Variants in AVEN observed in about 807,000 individuals in gnomAD.
The protein encoded by AVEN is apoptosis and caspase activation inhibitor, also known as cell death regulator Aven.
AVEN carries 41 observed loss-of-function variants against 38.1 expected under a neutral mutation model. The observed-to-expected ratio is 1.08, with a 90% CI of 0.84 to 1.40. The LOEUF is 1.40. Ranked by LOEUF, AVEN falls within the 40% of genes most tolerant of loss-of-function variation. The probability of loss-of-function intolerance (pLI) is 0.00; values close to 1 mark genes in which losing one functional copy is unlikely to be tolerated. For synonymous variants in AVEN, 206 were observed against 171.8 expected, an observed-to-expected ratio of 1.20 and a Z score of -1.56; for missense variants, 605 against 438.8, an observed-to-expected ratio of 1.38 and a Z score of -3.38.
chr15:34,033,998 G>A (rs1438808639), intron 1 of AVEN, among the ~76,000 whole-genome samples: 1 of 152,138 alleles, frequency 6.6e-6, no homozygotes, highest in Non-Finnish European at 1.5e-5. Context: ...TTTTGGCCAG[G>A]ATGGTCTCAA....
intron 2 of AVEN, among the ~76,000 whole-genome samples, chr15:33,910,005 G>C (rs942719339): frequency 6.6e-6 from 1 of 151,954 alleles, no homozygotes; most frequent in African/African-American, 2.4e-5. Context: ...GTGGACACCT[G>C]TAATCTTAGC....
intron 2 of AVEN, chr15:33,972,278 A>G (rs1440802305): frequency 6.6e-6 from 1 of 152,012 alleles, no homozygotes; most frequent in Non-Finnish European, 1.5e-5. Context: ...ATAGATGCAA[A>G]ATTTCACCTT....
At chr15:33,930,341 CAA>C (rs10610430) in intron 2 of AVEN, among the ~76,000 whole-genome samples, 3,165 of 141,338 alleles carry the variant, frequency 0.022, 79 homozygotes, top group African/African-American at 0.062. Flanking sequence ...CCATCTAGGA[CAA>C]AAAAAAAAAA....
At chr15:33,882,184 G>A (rs1166965314) in intron 2 of AVEN, among the ~76,000 whole-genome samples, 1 of 152,074 alleles carries the variant, frequency 6.6e-6, no homozygotes, top group Non-Finnish European at 1.5e-5. Context: ...TACATAGCCT[G>A]CTTAAAAAAC....
chr15:33,864,128 C>T (rs755379679), downstream of AVEN: 2 of 1,607,110 alleles, frequency 1.2e-6, no homozygotes, highest in African/African-American at 2.7e-5. Flanking sequence ...CTATCTTTTC[C>T]TCGTTCCAGG....
At chr15:33,869,691 A>C (rs1356289211) in intron 4 of AVEN, among the ~76,000 whole-genome samples, 1 of 152,194 alleles carries the variant, frequency 6.6e-6, no homozygotes, top group African/African-American at 2.4e-5. Flanking sequence ...TAGACTAGTA[A>C]ATGCTATACA....
chr15:33,974,260 C>T (rs1260029547), intron 2 of AVEN, among the ~76,000 whole-genome samples: 2 of 152,158 alleles, frequency 1.3e-5, no homozygotes, highest in Non-Finnish European at 2.9e-5. Context: ...CTACAGTCAT[C>T]TTTCTATTCA....
At chr15:33,865,239 G>C (rs1414767300), downstream of AVEN, 4 of 1,595,210 alleles carry the variant, frequency 2.5e-6, no homozygotes, top group Middle Eastern at 1.7e-4. Context: ...CTGAATCAAA[G>C]AAGCGCGACA....
At position 33,866,276 on chromosome 15, in the gene AVEN, A is replaced by C. The variant is rs1890470085; in HGVS notation, c.*337T>G. 1.2e-5 allele frequency: 3 copies of C among 252,990 alleles called. No individual in the cohort carries two copies. In the Admixed American group the frequency reaches 1.5e-4, roughly 12 times the overall value. The allele number at this position is 252,990 out of a possible 1,614,324, so 15.7% of individuals were successfully genotyped here. A position where few individuals can be genotyped will look rare whatever the true frequency, so the allele number is the denominator to read the frequency against. On this transcript the variant is annotated 3_prime_UTR_variant, in exon 6 of 6. Coordinates refer to ENST00000306730, the MANE Select transcript of AVEN (RefSeq NM_020371.3). The stretch of plus-strand genomic sequence containing the variant: ...TTGGCCAAATGCATGCCTTGTTTGC[A>C]TCTATTCTCTTAATCAGCAGCAGCA...
intron 2 of AVEN, among the ~76,000 whole-genome samples, chr15:33,986,401 G>A (rs7168444): frequency 0.15 from 23,032 of 151,880 alleles, 2,195 homozygotes; most frequent in African/African-American, 0.25. Flanking sequence ...AAGCCACCGC[G>A]CCCGGCCCAC....
downstream of AVEN, chr15:33,858,084 T>A: frequency 1.1e-6 from 1 of 890,120 alleles, no homozygotes; most frequent in East Asian, 2.7e-5. Context: ...AACAGGAGAG[T>A]GTCCTGGGAA....
the AVEN span, chr15:33,852,646 C>G: frequency 5.8e-6 from 1 of 172,962 alleles, no homozygotes; most frequent in African/African-American, 2.4e-5. Flanking sequence ...TTATCTACCC[C>G]AGTAGGTGAC....
intron 5 of AVEN, among the ~76,000 whole-genome samples, chr15:34,057,192 C>T (rs946382754): frequency 1.3e-5 from 2 of 148,910 alleles, no homozygotes; most frequent in East Asian, 2.0e-4. Context: ...GGAGTGCAGT[C>T]GCATGATCTT....
chr15:34,032,614 G>A (rs1206970411), intron 1 of AVEN, among the ~76,000 whole-genome samples: 2 of 152,010 alleles, frequency 1.3e-5, no homozygotes, highest in East Asian at 3.8e-4. Context: ...AACGGAGTGT[G>A]CACATACCTA....
intron 2 of AVEN, among the ~76,000 whole-genome samples, chr15:33,921,677 A>C (rs1597233692): frequency 6.6e-6 from 1 of 152,220 alleles, no homozygotes; most frequent in Admixed American, 6.5e-5. Flanking sequence ...CAATGACATC[A>C]TGAGGGTTTG....
intron 2 of AVEN, among the ~76,000 whole-genome samples, chr15:33,954,056 C>T (rs1894857679): frequency 6.6e-6 from 1 of 152,194 alleles, no homozygotes; most frequent in Admixed American, 6.5e-5. Context: ...AAAAAATGCT[C>T]ATCATCACTG....
intron 2 of AVEN, among the ~76,000 whole-genome samples, chr15:33,975,812 C>G (rs780181876): frequency 6.6e-6 from 1 of 152,178 alleles, no homozygotes; most frequent in Non-Finnish European, 1.5e-5. Flanking sequence ...TGCCTGTAGT[C>G]CCAGCTACTC....
At chr15:33,854,381 T>A, downstream of AVEN, 1 of 1,560,768 alleles carries the variant, frequency 6.4e-7, no homozygotes, top group African/African-American at 1.4e-5. Context: ...TCACTTGTTC[T>A]TCTCTAGGCT....
At chr15:33,881,657 G>A (rs1007643085) in intron 2 of AVEN, among the ~76,000 whole-genome samples, 5 of 152,202 alleles carry the variant, frequency 3.3e-5, no homozygotes, top group African/African-American at 9.7e-5. Flanking sequence ...ATTCTTCTGC[G>A]TTGTGTTGTT....
Sources: gnomAD v4.1 joint callset for allele counts (sites outside exome capture counted in the v4.1 genomes callset) on GRCh38, gnomAD v4.1.1 for gene constraint, MANE v1.5 for transcripts, NCBI Gene and HGNC (gene_info 2026-07-23, HGNC 2026-07-21) for gene names.